Variants in FSTL5 observed in about 807,000 individuals in gnomAD.
FSTL5 encodes the protein follistatin-related protein 5.
In FSTL5, 62 loss-of-function variants were observed where a neutral mutation model predicts 89.1. The ratio of observed to expected loss-of-function variants is 0.70; its 90% confidence interval spans 0.57 to 0.86. FSTL5 has a LOEUF of 0.86. FSTL5 is among the 40% of genes least tolerant of loss of function. FSTL5 has a pLI of 0.00. For missense variants in FSTL5, 1,057 were observed against 1,001.6 expected (o/e 1.06, Z -0.75); for synonymous variants, 383 against 346.2 (o/e 1.11, Z -1.18).
intron 3 of FSTL5, among the ~76,000 whole-genome samples, chr4:161,995,477 C>T (rs1381449336): frequency 2.0e-5 from 3 of 151,984 alleles, no homozygotes; most frequent in South Asian, 2.1e-4. Flanking sequence ...ACCCTTTGAG[C>T]GACTGACCTT....
chr4:161,785,744 G>T (rs1741881210), intron 4 of FSTL5, among the ~76,000 whole-genome samples: 1 of 152,154 alleles, frequency 6.6e-6, no homozygotes, highest in Non-Finnish European at 1.5e-5. Flanking sequence ...TATAGTTAAA[G>T]ATTGAGGTTC....
intron 3 of FSTL5, among the ~76,000 whole-genome samples, chr4:161,932,826 A>T (rs2110899236): frequency 6.6e-6 from 1 of 152,134 alleles, no homozygotes; most frequent in African/African-American, 2.4e-5. Flanking sequence ...TTTCCCAGTT[A>T]TTTTTAAATA....
intron 12 of FSTL5, among the ~76,000 whole-genome samples, chr4:161,483,846 G>A (rs1052718551): frequency 5.9e-5 from 9 of 151,970 alleles, no homozygotes; most frequent in African/African-American, 2.2e-4. Context: ...TTATTAAATC[G>A]CTTTTACAGA....
At chr4:162,106,832 G>A (rs1731244277) in intron 2 of FSTL5, among the ~76,000 whole-genome samples, 3 of 152,070 alleles carry the variant, frequency 2.0e-5, no homozygotes, top group Admixed American at 1.3e-4. Flanking sequence ...CTTATTCCAC[G>A]ACAATCTCTA....
intron 5 of FSTL5, among the ~76,000 whole-genome samples, chr4:161,768,941 C>T (rs1198019966): frequency 6.6e-6 from 1 of 151,574 alleles, no homozygotes; most frequent in Non-Finnish European, 1.5e-5. Flanking sequence ...ATTGACAAAC[C>T]TTTAGCCAGA....
intron 4 of FSTL5, among the ~76,000 whole-genome samples, chr4:161,831,520 C>CAAA (rs139499944): frequency 2.7e-5 from 4 of 150,462 alleles, no homozygotes; most frequent in Non-Finnish European, 5.9e-5. Flanking sequence ...TGTTTTGTTA[C>CAAA]AAAAAAAAGC....
intron 3 of FSTL5, among the ~76,000 whole-genome samples, chr4:161,923,154 C>T (rs1035391639): frequency 6.6e-6 from 1 of 151,890 alleles, no homozygotes; most frequent in East Asian, 1.9e-4. Context: ...CCAAGCAGGT[C>T]ATTTATTTAC....
At chr4:162,061,385 T>C (rs1034834616) in intron 2 of FSTL5, among the ~76,000 whole-genome samples, 1 of 152,172 alleles carries the variant, frequency 6.6e-6, no homozygotes, top group Non-Finnish European at 1.5e-5. Context: ...AAGTGGCATG[T>C]GCAATGACTC....
At chr4:161,579,009 A>T (rs1733335093) in intron 8 of FSTL5, among the ~76,000 whole-genome samples, 1 of 152,180 alleles carries the variant, frequency 6.6e-6, no homozygotes, top group African/African-American at 2.4e-5. Context: ...AAAATTCAGA[A>T]ATTCAGTTTT....
rs140913991 is a variant in FSTL5 at position 161,887,450 on chromosome 4, ATCTATCAG to A, written c.409+32946_409+32953del. Reference sequence around the variant, plus strand: ...ATCATCTATCTACCTATCATCTATAATCTATCAGTCTATCTGTCTGTTTTTCTATCTAC... The same window carrying A: ...ATCATCTATCTACCTATCATCTATAATCTATCTGTCTGTTTTTCTATCTAC... On this transcript the variant is annotated intron_variant, in intron 4 of 15. Coordinates refer to ENST00000306100, the MANE Select transcript of FSTL5 (RefSeq NM_020116.5). Among the ~76,000 whole-genome samples, 549 of 145,240 alleles carry A rather than the reference ATCTATCAG, an allele frequency of 3.8e-3. 3 individuals carry two copies. The highest frequency in any genetic ancestry group is 0.014 in the African/African-American group (531 of 37,670).
intron 3 of FSTL5, among the ~76,000 whole-genome samples, chr4:162,005,544 A>G (rs1482465330): frequency 6.6e-6 from 1 of 152,142 alleles, no homozygotes; most frequent in Non-Finnish European, 1.5e-5. Context: ...TGGGATCCCA[A>G]GAAAATTCAG....
intron 7 of FSTL5, among the ~76,000 whole-genome samples, chr4:161,596,847 C>G (rs1256278886): frequency 6.6e-6 from 1 of 152,130 alleles, no homozygotes. Context: ...AAAAAGAAGA[C>G]ATATCCTTCG....
intron 8 of FSTL5, among the ~76,000 whole-genome samples, chr4:161,558,530 C>T (rs994914660): frequency 1.3e-5 from 2 of 148,682 alleles, no homozygotes; most frequent in African/African-American, 4.9e-5. Flanking sequence ...AATGCCACCC[C>T]ACTGGAACTC....
At chr4:161,826,218 T>A (rs1176148355) in intron 4 of FSTL5, among the ~76,000 whole-genome samples, 2 of 152,190 alleles carry the variant, frequency 1.3e-5, no homozygotes, top group Non-Finnish European at 2.9e-5. Context: ...TGATTTCCAA[T>A]TTTATTCTCC....
chr4:162,157,228 A>G (rs1158621591), intron 1 of FSTL5, among the ~76,000 whole-genome samples: 3 of 152,152 alleles, frequency 2.0e-5, no homozygotes, highest in East Asian at 3.9e-4. Context: ...TGCGTATTGT[A>G]TAGGAAGAAC....
intron 15 of FSTL5, among the ~76,000 whole-genome samples, chr4:161,406,936 A>C (rs972037973): frequency 1.3e-5 from 2 of 152,150 alleles, no homozygotes; most frequent in Non-Finnish European, 2.9e-5. Context: ...TGCCTATTAC[A>C]GTGTTCAATT....
chr4:162,026,028 T>C (rs1737268319), intron 3 of FSTL5, among the ~76,000 whole-genome samples: 1 of 151,466 alleles, frequency 6.6e-6, no homozygotes, highest in Non-Finnish European at 1.5e-5. Context: ...TTCATGTTTA[T>C]AGTGTCTGGA....
At chr4:161,469,947 A>AT (rs1733878408) in intron 13 of FSTL5, among the ~76,000 whole-genome samples, 1 of 151,964 alleles carries the variant, frequency 6.6e-6, no homozygotes, top group Non-Finnish European at 1.5e-5. Context: ...AGTTTTGGTG[A>AT]TTTTTGTGGT....
At chr4:161,873,641 C>T (rs1406801822) in intron 4 of FSTL5, among the ~76,000 whole-genome samples, 1 of 147,834 alleles carries the variant, frequency 6.8e-6, no homozygotes, top group Non-Finnish European at 1.5e-5. Flanking sequence ...ATGTCCACTA[C>T]TTATTTTAAA....
Sources: gnomAD v4.1 joint callset for allele counts (sites outside exome capture counted in the v4.1 genomes callset) on GRCh38, gnomAD v4.1.1 for gene constraint, MANE v1.5 for transcripts, NCBI Gene and HGNC (gene_info 2026-07-23, HGNC 2026-07-21) for gene names.